TMEM26: variants seen among roughly 807,000 people sequenced by gnomAD.
TMEM26 encodes transmembrane protein 26.
Under a neutral mutation model 28.8 loss-of-function variants are expected in TMEM26, and 38 were observed. The ratio of observed to expected loss-of-function variants is 1.32; its 90% CI spans 1.02 to 1.73. The LOEUF (loss-of-function observed/expected upper bound fraction) is 1.73, where lower values mean the gene tolerates loss of function less well. Ranked by LOEUF, TMEM26 falls within the 40% of genes most tolerant of loss-of-function variation. The pLI is 0.00. For synonymous variants in TMEM26, 227 were observed against 182.9 expected (o/e 1.24, Z -1.95); for missense variants, 518 against 447.1 (o/e 1.16, Z -1.43).
rs752760740 is a variant in TMEM26 at position 61,410,336 on chromosome 10, G to C, written c.1093C>G (p.His365Asp). Reference sequence around the variant, plus strand: ...TCAATCAATAACTAAGGGGTGTGGTGGGAGTCGTCGGAGGTGACTGGGGAG... The same window carrying C: ...TCAATCAATAACTAAGGGGTGTGGTCGGAGTCGTCGGAGGTGACTGGGGAG... ...RGSPVTSDDS[H>D]HTP The change falls in exon 6 of 6, where the codon CAC becomes GAC. Residue 365 changes from histidine (H) to aspartate (D), a missense_variant. Transcript: ENST00000399298. The C allele has an allele frequency of 2.5e-6, 4 of 1,611,220 alleles. No homozygotes were observed. The highest frequency in any genetic ancestry group is 3.4e-6 in the Non-Finnish European group (4 of 1,177,986).
intron 1 of TMEM26, among the ~76,000 whole-genome samples, chr10:61,450,296 C>T (rs10994765): frequency 8.5e-5 from 13 of 152,114 alleles, no homozygotes; most frequent in African/African-American, 2.9e-4. Flanking sequence ...CCTAGATTTT[C>T]GAATGGAAAT....
intron 1 of TMEM26, among the ~76,000 whole-genome samples, chr10:61,449,509 A>C (rs1840241835): frequency 6.6e-6 from 1 of 152,202 alleles, no homozygotes; most frequent in Non-Finnish European, 1.5e-5. Context: ...TGTGTTTCAA[A>C]ATATTTAGTT....
chr10:61,433,073 TTAATA>T (rs2135315543), intron 2 of TMEM26, among the ~76,000 whole-genome samples: 1 of 152,304 alleles, frequency 6.6e-6, no homozygotes, highest in Non-Finnish European at 1.5e-5. Context: ...AATGGCGACC[TTAATA>T]TGTTTTTGAC....
intron 1 of TMEM26, among the ~76,000 whole-genome samples, chr10:61,446,678 G>T (rs537403161): frequency 6.6e-6 from 1 of 151,590 alleles, no homozygotes; most frequent in African/African-American, 2.4e-5. Context: ...AATTAACCAG[G>T]CGTGGTGGCA....
At chr10:61,434,763 G>T (rs1251022127) in intron 2 of TMEM26, among the ~76,000 whole-genome samples, 2 of 152,192 alleles carry the variant, frequency 1.3e-5, no homozygotes, top group African/African-American at 2.4e-5. Context: ...GTAGTCCACA[G>T]AACTAAATTC....
intron 5 of TMEM26, among the ~76,000 whole-genome samples, 188 bp downstream of exon 5, chr10:61,413,271 C>G (rs1489089921): frequency 1.3e-5 from 2 of 152,108 alleles, no homozygotes; most frequent in African/African-American, 4.8e-5. Flanking sequence ...CTTAAGCTCA[C>G]CGTGTACCAC....
chr10:61,410,242 G>A lies in TMEM26; in HGVS notation c.*80C>T, dbSNP rs1009824339. Reference sequence around the variant, plus strand: ...TCTTTTGAAAATTATTATACGCCAAGGTTGGAGGAGAAAAAGGATCCTCCC... The same window carrying A: ...TCTTTTGAAAATTATTATACGCCAAAGTTGGAGGAGAAAAAGGATCCTCCC... On this transcript the variant is annotated 3_prime_UTR_variant, in exon 6 of 6. Coordinates refer to ENST00000399298, the MANE Select transcript of TMEM26 (RefSeq NM_178505.8). 7.1e-7 allele frequency: 1 copy of A among 1,402,076 alleles called. No individual in the cohort carries two copies. The highest frequency in any genetic ancestry group is 9.7e-7 in the Non-Finnish European group (1 of 1,035,956). 86.9% of individuals were successfully genotyped at this position (1,402,076 alleles called of 1,614,324 possible).
chr10:61,413,820 A>G (rs908087373), intron 4 of TMEM26: 4 of 1,050,278 alleles, frequency 3.8e-6, no homozygotes, highest in Non-Finnish European at 4.6e-6. Flanking sequence ...TGGAAACATT[A>G]TGGGAGAAAA....
intron 4 of TMEM26, among the ~76,000 whole-genome samples, chr10:61,419,909 T>C (rs150654846): frequency 5.0e-4 from 76 of 152,012 alleles, no homozygotes; most frequent in Non-Finnish European, 8.4e-4. Context: ...GGAAAGAAAA[T>C]CTTTAAAACA....
chr10:61,441,037 T>C (rs1840084095), intron 1 of TMEM26, among the ~76,000 whole-genome samples: 1 of 152,228 alleles, frequency 6.6e-6, no homozygotes, highest in Non-Finnish European at 1.5e-5. Context: ...CAGTATTGTT[T>C]TTTATTTGTA....
At chr10:61,447,862 G>A (rs1409303089) in intron 1 of TMEM26, among the ~76,000 whole-genome samples, 3 of 152,098 alleles carry the variant, frequency 2.0e-5, no homozygotes, top group Non-Finnish European at 2.9e-5. Flanking sequence ...CCCTCACTCT[G>A]TCACCCAAAC....
intron 1 of TMEM26, among the ~76,000 whole-genome samples, chr10:61,448,361 C>A (rs1210935750): frequency 6.6e-6 from 1 of 152,220 alleles, no homozygotes; most frequent in Admixed American, 6.5e-5. Flanking sequence ...TCTCAACTGA[C>A]AACTAACTGG....
chr10:61,437,076 A>G (rs1292663772), intron 1 of TMEM26, among the ~76,000 whole-genome samples: 1 of 152,202 alleles, frequency 6.6e-6, no homozygotes, highest in African/African-American at 2.4e-5. Flanking sequence ...TGGGGGTCTG[A>G]GATTAAGGAG....
At chr10:61,443,370 C>G (rs1840127931) in intron 1 of TMEM26, among the ~76,000 whole-genome samples, 1 of 150,438 alleles carries the variant, frequency 6.6e-6, no homozygotes, top group Non-Finnish European at 1.5e-5. Context: ...GAGGCTGAGG[C>G]AGGAGAATGG....
At chr10:61,433,232 T>C (rs1261229091) in intron 2 of TMEM26, among the ~76,000 whole-genome samples, 1 of 152,158 alleles carries the variant, frequency 6.6e-6, no homozygotes, top group Non-Finnish European at 1.5e-5. Context: ...TCCGCTCTTG[T>C]TATTCTATTT....
chr10:61,436,826 AT>A (rs1251123123), intron 1 of TMEM26, among the ~76,000 whole-genome samples: 3 of 151,962 alleles, frequency 2.0e-5, no homozygotes, highest in African/African-American at 4.8e-5. Flanking sequence ...AGCCTTTGGT[AT>A]TTTTTTTAAG....
intron 4 of TMEM26, among the ~76,000 whole-genome samples, chr10:61,423,911 C>A (rs1839789797): frequency 6.6e-6 from 1 of 151,928 alleles, no homozygotes; most frequent in African/African-American, 2.4e-5. Flanking sequence ...TAACACCCAC[C>A]AAAAAATAAT....
At chr10:61,416,467 T>C (rs992770914) in intron 4 of TMEM26, among the ~76,000 whole-genome samples, 2 of 152,014 alleles carry the variant, frequency 1.3e-5, no homozygotes, top group Non-Finnish European at 2.9e-5. Flanking sequence ...ACAATAATAA[T>C]AATTACTGGA....
chr10:61,413,379 C>T (rs1839599051), intron 5 of TMEM26, 80 bp downstream of exon 5: 2 of 1,557,088 alleles, frequency 1.3e-6, no homozygotes, highest in African/African-American at 1.4e-5. Context: ...AATCCTTTCA[C>T]TTGCCTTCTT....
Sources: allele counts gnomAD v4.1 joint callset (sites outside exome capture counted in the v4.1 genomes callset), GRCh38; gene constraint gnomAD v4.1.1; transcripts MANE v1.5; gene names NCBI Gene and HGNC (gene_info 2026-07-23, HGNC 2026-07-21).